Variants in ATRN observed in about 807,000 individuals in gnomAD.
ATRN encodes attractin.
In ATRN, 54 loss-of-function variants were observed where a neutral mutation model predicts 178.7. That is an observed-to-expected ratio of 0.30 (90% confidence interval 0.24 to 0.38). ATRN has a LOEUF of 0.38. Ranked by LOEUF, ATRN falls within the 10% of genes least tolerant of loss-of-function variation. ATRN has a pLI of 1.00. For synonymous variants in ATRN, 636 were observed against 663.0 expected (o/e 0.96, Z 0.63); for missense variants, 1,443 against 1,815.1 (o/e 0.79, Z 3.73).
At chr20:3,601,335 C>G (rs2086605031) in intron 23 of ATRN, among the ~76,000 whole-genome samples, 1 of 152,174 alleles carries the variant, frequency 6.6e-6, no homozygotes, top group African/African-American at 2.4e-5. Flanking sequence ...CCACCACCAC[C>G]ATTTCTGTTC....
In ATRN at chr20:3,471,527, G is replaced by T. The variant is rs1471676918; in HGVS notation, c.410+10G>T. 2.2e-6 allele frequency: 3 copies of T among 1,384,866 alleles called. No individual in the cohort carries two copies. The highest frequency in any genetic ancestry group is 2.8e-6 in the Non-Finnish European group (3 of 1,076,652). 85.8% of individuals were successfully genotyped at this position (1,384,866 alleles called of 1,614,324 possible). ...GCGGGGGCCGCTTCAGGTGAGTGGC[G>T]GGTGGTGTCGGAGGGTCGGGTCCAA... On this transcript the variant is annotated intron_variant, in intron 1 of 28. Transcript: ENST00000262919.
chr20:3,560,423 G>C (rs907793653), intron 7 of ATRN, among the ~76,000 whole-genome samples: 2 of 151,950 alleles, frequency 1.3e-5, no homozygotes, highest in Non-Finnish European at 2.9e-5. Context: ...TCCATGTTTT[G>C]GCTATTGTCA....
chr20:3,638,764 G>A lies in ATRN; in HGVS notation c.3943-64G>A. 2.9e-6 allele frequency: 4 copies of A among 1,387,016 alleles called. No homozygotes were observed. Among genetic ancestry groups the A allele is most frequent in the Non-Finnish European group, 4.1e-6 (4 of 983,396 alleles). 85.9% of individuals were successfully genotyped at this position (1,387,016 alleles called of 1,614,324 possible). On this transcript the variant is annotated intron_variant, in intron 26 of 28. Coordinates refer to ENST00000262919, the MANE Select transcript of ATRN (RefSeq NM_139321.3). This position sits in a 1 kb window ranked among gnomAD's most constrained non-coding sequence, Gnocchi z 4.5. ...GAGGATGAGGTGTTTTTAACATGTA[G>A]CATTAACTAATAAAACCCCTTCAGT... is the stretch of plus-strand genomic sequence containing the variant.
chr20:3,582,055 C>G, intron 15 of ATRN, 80 bp from the exon 16 acceptor site: 1 of 1,307,918 alleles, frequency 7.6e-7, no homozygotes, highest in Non-Finnish European at 1.1e-6. Flanking sequence ...GCCAGGGCAA[C>G]ATGGCAAGAC....
intron 1 of ATRN, among the ~76,000 whole-genome samples, chr20:3,531,443 G>GAT (rs1423710284): frequency 1.3e-5 from 2 of 152,108 alleles, no homozygotes; most frequent in African/African-American, 2.4e-5. Context: ...TATGTATAGG[G>GAT]ATATTTATTG....
At position 3,471,208 on chromosome 20, in the gene ATRN, A is replaced by T. The variant is rs1483832591; in HGVS notation, c.101A>T (p.Asp34Val). ...AGCGGCGGGCCGCACTGGGACTGGG[A>T]CGTGACCAGGGCTGGGAGGCCGGGG... ...GRSGGPHWDW[D>V]VTRAGRPGLG... The change falls in exon 1 of 29, where the codon GAC becomes GTC. Residue 34 changes from aspartate to valine, a missense_variant. By Grantham distance (152) the Asp-to-Val change is radical (BLOSUM62 -3). Coordinates refer to ENST00000262919, the MANE Select transcript of ATRN (RefSeq NM_139321.3). 4 of 1,493,952 alleles carry T rather than the reference A, an allele frequency of 2.7e-6. No homozygotes were observed. The African/African-American group carries it at 4.4e-5, about 16-fold the overall frequency. The allele number at this position is 1,493,952 out of a possible 1,614,324, so 92.5% of individuals were successfully genotyped here.
chr20:3,634,966 A>C (rs2087014966), intron 26 of ATRN, among the ~76,000 whole-genome samples: 1 of 152,198 alleles, frequency 6.6e-6, no homozygotes, highest in Non-Finnish European at 1.5e-5. Context: ...AAATTACAAC[A>C]TATCAAATGC....
chr20:3,567,773 A>G (rs2086057214), intron 11 of ATRN, among the ~76,000 whole-genome samples: 1 of 152,128 alleles, frequency 6.6e-6, no homozygotes, highest in South Asian at 2.1e-4. Flanking sequence ...GTGACATACC[A>G]AGGCGGCAGG....
At chr20:3,595,145 A>G (rs2086509238) in intron 20 of ATRN, among the ~76,000 whole-genome samples, 1 of 152,210 alleles carries the variant, frequency 6.6e-6, no homozygotes, top group African/African-American at 2.4e-5. Context: ...CCACTGAGCA[A>G]GGTGCTCTTG....
chr20:3,604,170 A>G lies in ATRN; in HGVS notation c.3709A>G (p.Ser1237Gly). ...AACCAACATTAAGGAGTACAAAGAT[A>G]GTTTCTCTAATGAGAAGTTTGATTT... is the stretch of plus-strand genomic sequence containing the variant. ...SKTNIKEYKD[S>G]FSNEKFDFRN... The change falls in exon 24 of 29, where the codon AGT becomes GGT. Residue 1237 changes from serine (S) to glycine (G), a missense_variant. This residue lies in a region of ATRN where 289 missense variants were observed against 440.8 expected (regional missense o/e 0.66). Transcript: ENST00000262919. The G allele has an allele frequency of 6.2e-7, 1 of 1,613,262 alleles. No individual in the cohort carries two copies. The highest frequency in any genetic ancestry group is 1.7e-4 in the Middle Eastern group (1 of 6,050).
chr20:3,611,428 A>G (rs766358848), intron 24 of ATRN, among the ~76,000 whole-genome samples: 3 of 152,242 alleles, frequency 2.0e-5, no homozygotes, highest in Admixed American at 6.5e-5. Flanking sequence ...ATAATGACAT[A>G]AAAGATGATC....
intron 18 of ATRN, among the ~76,000 whole-genome samples, chr20:3,589,620 C>A (rs553580608): frequency 5.7e-4 from 86 of 152,120 alleles, no homozygotes; most frequent in African/African-American, 1.9e-3. Context: ...ACTGGTTAAT[C>A]CTCAAGGTTA....
rs1468219262 is a variant in ATRN, at chr20:3,477,704, A to G, written c.410+6187A>G. Among the ~76,000 whole-genome samples, 3 of 152,026 alleles carry G rather than the reference A, an allele frequency of 2.0e-5. No homozygotes were observed. In the East Asian group the frequency reaches 5.8e-4, roughly 29 times the overall value. On this transcript the variant is annotated intron_variant, in intron 1 of 28. Coordinates refer to ENST00000262919, the MANE Select transcript of ATRN (RefSeq NM_139321.3). ...AGGCTGATCTGCTTTCCCCAGTGCA[A>G]TGTAAGTTCCATGAGGGCAGGGGCC... is the stretch of plus-strand genomic sequence containing the variant.
At chr20:3,531,668 ATAATT>A (rs2085454907) in intron 1 of ATRN, among the ~76,000 whole-genome samples, 2 of 152,222 alleles carry the variant, frequency 1.3e-5, no homozygotes, top group Admixed American at 1.3e-4. Context: ...TAACCAAAAA[ATAATT>A]TAAGAGAACC....
At chr20:3,629,949 T>TA (rs397697322) in intron 25 of ATRN, among the ~76,000 whole-genome samples, 39 of 151,918 alleles carry the variant, frequency 2.6e-4, no homozygotes, top group Admixed American at 9.2e-4. Flanking sequence ...TGAGTTTTTT[T>TA]ATTGAGGTTT....
At chr20:3,557,892 G>A (rs2085900001) in intron 6 of ATRN, among the ~76,000 whole-genome samples, 1 of 152,120 alleles carries the variant, frequency 6.6e-6, no homozygotes, top group Non-Finnish European at 1.5e-5. Context: ...CCAAAAATAT[G>A]TAAAATAATA....
chr20:3,542,625 C>T (rs1305002344), intron 3 of ATRN, among the ~76,000 whole-genome samples: 2 of 95,768 alleles, frequency 2.1e-5, no homozygotes, highest in East Asian at 3.1e-4. Context: ...TTCCCCTTTT[C>T]CTTCCCTTCC....
intron 24 of ATRN, 139 bp downstream of exon 24, chr20:3,604,401 C>G: frequency 1.0e-6 from 1 of 965,258 alleles, no homozygotes; most frequent in African/African-American, 1.7e-5. Flanking sequence ...CAGAGGAGTG[C>G]TGAGCACATG....
At chr20:3,584,213 G>T in intron 17 of ATRN, 130 bp downstream of exon 17, 1 of 978,108 alleles carries the variant, frequency 1.0e-6, no homozygotes, top group Non-Finnish European at 1.5e-6. Context: ...GCTCAAACCT[G>T]ACCAGAGACT....
Sources: allele counts gnomAD v4.1 joint callset (sites outside exome capture counted in the v4.1 genomes callset), GRCh38; gene constraint gnomAD v4.1.1; regional missense constraint gnomAD v4.1.1; non-coding constraint Gnocchi (gnomAD v3.1); transcripts MANE v1.5; gene names NCBI Gene and HGNC (gene_info 2026-07-23, HGNC 2026-07-21).